USP32: variants seen among roughly 807,000 people sequenced by gnomAD.
The protein encoded by USP32 is ubiquitin specific peptidase 32.
A neutral mutation model predicts 204.8 loss-of-function variants in USP32; 59 were observed. That is an observed-to-expected ratio of 0.29 (90% CI 0.23 to 0.36). The LOEUF is 0.36. Among genes scored for constraint, USP32 ranks in the 10% least tolerant of loss-of-function variants. The pLI is 1.00. For synonymous variants in USP32, 517 were observed against 678.4 expected (o/e 0.76, Z 3.70); for missense variants, 1,160 against 1,946.4 (o/e 0.60, Z 7.60).
At chr17:60,351,505 T>C (rs987658329) in intron 1 of USP32, among the ~76,000 whole-genome samples, 2 of 152,044 alleles carry the variant, frequency 1.3e-5, no homozygotes, top group African/African-American at 4.8e-5. Context: ...CTCAGCTCAC[T>C]GCAACCTCTG....
At chr17:60,277,448 C>A (rs557181227) in intron 5 of USP32, among the ~76,000 whole-genome samples, 1 of 152,302 alleles carries the variant, frequency 6.6e-6, no homozygotes, top group South Asian at 2.1e-4. Context: ...GCATCACTAA[C>A]GGATAAGAGG....
intron 3 of USP32, among the ~76,000 whole-genome samples, chr17:60,297,967 A>C (rs2087478825): frequency 6.6e-6 from 1 of 152,194 alleles, no homozygotes; most frequent in African/African-American, 2.4e-5. Context: ...CCTGATAAGA[A>C]GACCACTGAC....
At chr17:60,192,165 C>T (rs527617451) in intron 28 of USP32, among the ~76,000 whole-genome samples, 1 of 152,002 alleles carries the variant, frequency 6.6e-6, no homozygotes, top group African/African-American at 2.4e-5. Context: ...GTGGTGTGCA[C>T]CTGTAGTCCC....
chr17:60,409,060 T>C (rs2089998942), intron 1 of USP32, among the ~76,000 whole-genome samples: 1 of 152,022 alleles, frequency 6.6e-6, no homozygotes, highest in African/African-American at 2.4e-5. Flanking sequence ...CAGTAAAACT[T>C]TTCTCAGCCG....
At chr17:60,192,572 T>C (rs2084413211) in intron 28 of USP32, among the ~76,000 whole-genome samples, 1 of 152,068 alleles carries the variant, frequency 6.6e-6, no homozygotes, top group Admixed American at 6.5e-5. Context: ...GTAGCTGGGA[T>C]TACAGGCACG....
Position 60,179,163 on chromosome 17 carries a change from T to C in USP32, c.*92A>G. 1 of 1,405,484 alleles carries C rather than the reference T, an allele frequency of 7.1e-7. No homozygotes were observed. Among genetic ancestry groups the C allele is most frequent in the Non-Finnish European group, 9.6e-7 (1 of 1,036,450 alleles). 87.1% of individuals were successfully genotyped at this position (1,405,484 alleles called of 1,614,324 possible). A position where few individuals can be genotyped will look rare whatever the true frequency, so the allele number is the denominator to read the frequency against. On this transcript the variant is annotated 3_prime_UTR_variant, in exon 34 of 34. Transcript: ENST00000300896. ...GGCCACAGGATAAAATAACTACATTTAGCTTGCCTTTCAGTGACGCTTTTG... is the reference window on the plus strand; with the variant it reads ...GGCCACAGGATAAAATAACTACATTCAGCTTGCCTTTCAGTGACGCTTTTG...
intron 1 of USP32, among the ~76,000 whole-genome samples, chr17:60,403,762 G>T (rs1365046492): frequency 1.3e-5 from 2 of 152,158 alleles, no homozygotes; most frequent in Non-Finnish European, 2.9e-5. Flanking sequence ...AACATGGGCC[G>T]GGAGCAATGG....
chr17:60,321,045 A>G (rs2088100846), intron 2 of USP32, among the ~76,000 whole-genome samples: 1 of 152,180 alleles, frequency 6.6e-6, no homozygotes, highest in African/African-American at 2.4e-5. Context: ...TAGTATAACT[A>G]AAAACCCTAA....
intron 29 of USP32, among the ~76,000 whole-genome samples, chr17:60,187,797 TA>T (rs2084287098): frequency 6.6e-6 from 1 of 152,224 alleles, no homozygotes; most frequent in Non-Finnish European, 1.5e-5. Flanking sequence ...GATCTACGCT[TA>T]GATCCTCTAC....
intron 10 of USP32, 78 bp downstream of exon 10, chr17:60,255,097 C>T: frequency 1.0e-6 from 1 of 979,136 alleles, no homozygotes; most frequent in Admixed American, 2.4e-5. Context: ...TACAACAACT[C>T]TGGCTACTAT....
intron 1 of USP32, among the ~76,000 whole-genome samples, chr17:60,379,329 T>C (rs1224560624): frequency 6.6e-6 from 1 of 152,170 alleles, no homozygotes; most frequent in East Asian, 1.9e-4. Flanking sequence ...GTGAAAACTT[T>C]GAAAAGCTGA....
chr17:60,301,780 C>T (rs1201946228), intron 2 of USP32, 76 bp from the exon 3 acceptor site: 1 of 966,520 alleles, frequency 1.0e-6, no homozygotes, highest in African/African-American at 1.7e-5. Context: ...TCATCTTTAA[C>T]AAATTTTATC....
At chr17:60,240,293 A>G (rs551307277) in intron 11 of USP32, among the ~76,000 whole-genome samples, 1 of 152,334 alleles carries the variant, frequency 6.6e-6, no homozygotes, top group African/African-American at 2.4e-5. Context: ...ACTGACTGCT[A>G]TAGTTGTTTG....
intron 26 of USP32, among the ~76,000 whole-genome samples, chr17:60,204,805 G>A (rs1294156876): frequency 6.6e-6 from 1 of 150,720 alleles, no homozygotes; most frequent in South Asian, 2.1e-4. Flanking sequence ...TTCAGACAGG[G>A]TCTTGCCCAG....
chr17:60,269,639 C>A, intron 6 of USP32, 82 bp from the exon 7 acceptor site: 1 of 1,202,074 alleles, frequency 8.3e-7, no homozygotes. Context: ...GGAGGAATGA[C>A]TCTTTCCCAT....
chr17:60,289,893 A>G (rs909006514), intron 4 of USP32, among the ~76,000 whole-genome samples: 1 of 152,362 alleles, frequency 6.6e-6, no homozygotes, highest in South Asian at 2.1e-4. Flanking sequence ...TGGTAGAAAC[A>G]TATCTACATT....
chr17:60,259,905 G>T (rs2086411442), intron 9 of USP32, among the ~76,000 whole-genome samples: 1 of 152,092 alleles, frequency 6.6e-6, no homozygotes, highest in Non-Finnish European at 1.5e-5. Flanking sequence ...TAGAAGTTTG[G>T]TGATATTTTT....
At position 60,327,344 on chromosome 17, in the gene USP32, C is replaced by T. The variant is rs145391697; in HGVS notation, c.186+18137G>A. Reference sequence around the variant, plus strand: ...TTGGCTTCAAGAGCAGCAATAGTGGCAGTGGGTCCCCTGTGCTCCACGTCA... The same window carrying T: ...TTGGCTTCAAGAGCAGCAATAGTGGTAGTGGGTCCCCTGTGCTCCACGTCA... On this transcript the variant is annotated intron_variant, in intron 2 of 33. Coordinates refer to ENST00000300896, the MANE Select transcript of USP32 (RefSeq NM_032582.4). 3.6e-3 allele frequency among the ~76,000 whole-genome samples: 535 copies of T among 148,950 alleles called. 2 individuals are homozygous for T. The highest frequency in any genetic ancestry group is 0.012 in the African/African-American group (491 of 40,352).
rs539886874 is a variant in USP32 at position 60,290,161 on chromosome 17, T to C, written c.412-1479A>G. Among the ~76,000 whole-genome samples the C allele has an allele frequency of 3.3e-5, 5 of 152,328 alleles. No homozygotes were observed. The South Asian group carries it at 1.0e-3, about 32-fold the overall frequency. ...CTGTAAGTCCAGCTGCTGAGATGACTTGCTGCAACTAATTTTGCCCACCAC... is the reference window on the plus strand; with the variant it reads ...CTGTAAGTCCAGCTGCTGAGATGACCTGCTGCAACTAATTTTGCCCACCAC... On this transcript the variant is annotated intron_variant, in intron 4 of 33. Transcript: ENST00000300896.
Sources: gnomAD v4.1 joint callset for allele counts (sites outside exome capture counted in the v4.1 genomes callset) on GRCh38, gnomAD v4.1.1 for gene constraint, MANE v1.5 for transcripts, NCBI Gene and HGNC (gene_info 2026-07-23, HGNC 2026-07-21) for gene names.